Variants in TNFSF4 observed in about 807,000 individuals in gnomAD.
The protein encoded by TNFSF4 is tumor necrosis factor ligand superfamily member 4.
Under a neutral mutation model 7.3 loss-of-function variants are expected in TNFSF4, and 4 were observed. That is an observed-to-expected ratio of 0.55 (90% CI 0.27 to 1.25). TNFSF4 has a LOEUF of 1.25. TNFSF4 is among the 50% of genes most tolerant of loss of function. TNFSF4 has a pLI of 0.12. For missense variants in TNFSF4, 181 were observed against 208.8 expected (o/e 0.87, Z 0.82); for synonymous variants, 76 against 83.7 (o/e 0.91, Z 0.50).
At chr1:173,361,650 A>T in the TNFSF4 span, among the ~76,000 whole-genome samples, 1 of 152,202 alleles carries the variant, frequency 6.6e-6, no homozygotes, top group Non-Finnish European at 1.5e-5. Context: ...TTTTCCAAAC[A>T]AATAGATAAC....
chr1:173,322,542 G>A, the TNFSF4 span, among the ~76,000 whole-genome samples: 47 of 152,086 alleles, frequency 3.1e-4, no homozygotes, highest in Non-Finnish European at 6.2e-4. Flanking sequence ...AGTGGGTGCA[G>A]GACACTGGGT....
the TNFSF4 span, among the ~76,000 whole-genome samples, chr1:173,177,193 G>GAA: frequency 6.6e-6 from 1 of 151,928 alleles, no homozygotes; most frequent in Admixed American, 6.6e-5. Context: ...TTTTAGACTA[G>GAA]AAAATATTAT....
At chr1:173,213,304 T>C in the TNFSF4 span, among the ~76,000 whole-genome samples, 1 of 152,178 alleles carries the variant, frequency 6.6e-6, no homozygotes, top group Non-Finnish European at 1.5e-5. Context: ...GTTTTGTTTT[T>C]TTTTAAATCT....
the TNFSF4 span, among the ~76,000 whole-genome samples, chr1:173,288,251 G>A: frequency 6.6e-6 from 1 of 152,060 alleles, no homozygotes; most frequent in Non-Finnish European, 1.5e-5. Flanking sequence ...TCAGGAGTTT[G>A]AGACCAGCCT....
the TNFSF4 span, among the ~76,000 whole-genome samples, chr1:173,447,365 A>AC: frequency 5.9e-5 from 9 of 151,970 alleles, no homozygotes; most frequent in African/African-American, 2.2e-4. Context: ...CCAAGAATAA[A>AC]CCCCTTATGT....
chr1:173,175,244 T>C, the TNFSF4 span: 1 of 152,186 alleles, frequency 6.6e-6, no homozygotes, highest in South Asian at 2.1e-4. Context: ...TAAGTGGTGG[T>C]AAAATCTCAA....
the TNFSF4 span, among the ~76,000 whole-genome samples, chr1:173,323,680 G>A: frequency 6.6e-6 from 1 of 152,208 alleles, no homozygotes; most frequent in African/African-American, 2.4e-5. Context: ...ACCTGATGGA[G>A]CTGAAAACCA....
At chr1:173,253,366 A>C in the TNFSF4 span, among the ~76,000 whole-genome samples, 1 of 152,252 alleles carries the variant, frequency 6.6e-6, no homozygotes, top group Admixed American at 6.5e-5. Flanking sequence ...GGCAGAAGCT[A>C]GAGGAACAGG....
chr1:173,198,684 G>T (rs1249116451), intron 1 of TNFSF4, among the ~76,000 whole-genome samples: 1 of 152,124 alleles, frequency 6.6e-6, no homozygotes, highest in Non-Finnish European at 1.5e-5. Context: ...GAAACAATCT[G>T]TACCCCAAAC....
the TNFSF4 span, among the ~76,000 whole-genome samples, chr1:173,357,707 T>G: frequency 6.6e-6 from 1 of 152,102 alleles, no homozygotes; most frequent in Non-Finnish European, 1.5e-5. Context: ...AATTTTTGTA[T>G]TTTTAGTAGA....
the TNFSF4 span, among the ~76,000 whole-genome samples, chr1:173,258,284 G>T: frequency 1.3e-5 from 2 of 151,872 alleles, no homozygotes; most frequent in Non-Finnish European, 2.9e-5. Context: ...AGGTATGCAG[G>T]TTCTCTCATT....
the TNFSF4 span, among the ~76,000 whole-genome samples, chr1:173,373,597 A>G: frequency 6.6e-6 from 1 of 152,212 alleles, no homozygotes; most frequent in Non-Finnish European, 1.5e-5. Flanking sequence ...ACAGGGCCAA[A>G]TCTCCTCTGG....
the TNFSF4 span, among the ~76,000 whole-genome samples, chr1:173,416,608 T>TTTTATTTATTTAGTTATTTA: frequency 8.2e-6 from 1 of 121,942 alleles, no homozygotes; most frequent in East Asian, 2.5e-4. Flanking sequence ...ATTTTTTTAT[T>TTTTATTTATTTAGTTATTTA]TTTATTTATT....
the TNFSF4 span, among the ~76,000 whole-genome samples, chr1:173,234,921 T>C: frequency 6.6e-6 from 1 of 152,118 alleles, no homozygotes; most frequent in Non-Finnish European, 1.5e-5. Flanking sequence ...TGTGTGCACG[T>C]GGACCCTAGA....
At chr1:173,352,950 A>G in the TNFSF4 span, among the ~76,000 whole-genome samples, 5 of 152,140 alleles carry the variant, frequency 3.3e-5, no homozygotes, top group Non-Finnish European at 7.4e-5. Context: ...ATTCAGTGAT[A>G]TTTCTCTTAC....
At chr1:173,300,943 A>G in the TNFSF4 span, among the ~76,000 whole-genome samples, 4 of 58,972 alleles carry the variant, frequency 6.8e-5, no homozygotes, top group Non-Finnish European at 1.4e-4. Flanking sequence ...ATGAAGAACA[A>G]ATGTACTGTT....
the TNFSF4 span, among the ~76,000 whole-genome samples, chr1:173,340,474 T>C: frequency 1.3e-5 from 2 of 151,930 alleles, no homozygotes; most frequent in Non-Finnish European, 2.9e-5. Context: ...GGATGGACCA[T>C]TTGAGGTGAT....
At chr1:173,414,024 A>C in the TNFSF4 span, among the ~76,000 whole-genome samples, 1 of 152,212 alleles carries the variant, frequency 6.6e-6, no homozygotes, top group Non-Finnish European at 1.5e-5. Context: ...AAGGGGGACA[A>C]GCCAACGTGT....
chr1:173,279,404 G>A, the TNFSF4 span, among the ~76,000 whole-genome samples: 1 of 151,784 alleles, frequency 6.6e-6, no homozygotes, highest in African/African-American at 2.4e-5. Context: ...CTCAGTCCTC[G>A]TTCTTATCCA....
Sources: allele counts gnomAD v4.1 joint callset (sites outside exome capture counted in the v4.1 genomes callset), GRCh38; gene constraint gnomAD v4.1.1; transcripts MANE v1.5; gene names NCBI Gene and HGNC (gene_info 2026-07-23, HGNC 2026-07-21).